Variants in MAU2 observed in about 807,000 individuals in gnomAD.
MAU2 encodes MAU2 chromatid cohesion factor homolog.
A neutral mutation model predicts 89.1 loss-of-function variants in MAU2; 9 were observed. That is an observed-to-expected ratio of 0.10 (90% CI 0.06 to 0.18). MAU2 has a LOEUF of 0.18. MAU2 is among the 10% of genes least tolerant of loss of function. The probability of loss-of-function intolerance (pLI) is 1.00; values close to 1 mark genes in which losing one functional copy is unlikely to be tolerated. For synonymous variants in MAU2, 357 were observed against 343.4 expected (o/e 1.04, Z -0.44); for missense variants, 425 against 803.5 (o/e 0.53, Z 5.69).
rs1189491172 is a variant in MAU2 at position 19,357,317 on chromosome 19, A to T, written c.*1535A>T. ...GGAGAGCCTGGCCCTGTCCTTTGCT[A>T]CCCAGGGCTGCCCCCAGGCCCATGA... On this transcript the variant is annotated 3_prime_UTR_variant, in exon 19 of 19. Transcript: ENST00000262815. 6.6e-6 allele frequency: 1 copy of T among 152,212 alleles called. No individual in the cohort carries two copies. The highest frequency in any genetic ancestry group is 2.4e-5 in the African/African-American group (1 of 41,362). 9.4% of individuals were successfully genotyped at this position (152,212 alleles called of 1,614,324 possible).
chr19:19,325,756 G>A (rs1599887546), intron 1 of MAU2, among the ~76,000 whole-genome samples: 1 of 152,244 alleles, frequency 6.6e-6, no homozygotes, highest in East Asian at 1.9e-4. Context: ...CGGGATTACA[G>A]GCATGCCACC....
chr19:19,348,081 A>G (rs566303296), intron 13 of MAU2: 1 of 153,678 alleles, frequency 6.5e-6, no homozygotes, highest in South Asian at 2.0e-4. Flanking sequence ...TCCAAAGTGT[A>G]TCAGGCCAGG....
chr19:19,344,193 C>G (rs1429818873), intron 10 of MAU2: 2 of 457,856 alleles, frequency 4.4e-6, no homozygotes, highest in African/African-American at 2.0e-5. Context: ...GGGTGGATCA[C>G]TTGAGGCCAG....
intron 16 of MAU2, among the ~76,000 whole-genome samples, chr19:19,349,886 G>A (rs1258053297): frequency 6.6e-6 from 1 of 152,070 alleles, no homozygotes; most frequent in African/African-American, 2.4e-5. Flanking sequence ...CCCCACCCAA[G>A]GTCAGCCAGT....
intron 1 of MAU2, among the ~76,000 whole-genome samples, chr19:19,333,772 A>G (rs1022948408): frequency 2.0e-5 from 3 of 152,204 alleles, no homozygotes; most frequent in Non-Finnish European, 2.9e-5. Context: ...CTCTGCTGGG[A>G]TGCAGTGACA....
chr19:19,344,484 C>A, intron 10 of MAU2: 1 of 336,010 alleles, frequency 3.0e-6, no homozygotes, highest in South Asian at 4.4e-5. Flanking sequence ...CGCACATGGT[C>A]TCTGGGGATT....
At chr19:19,355,211 G>T in intron 17 of MAU2, 53 bp from the exon 18 acceptor site, 1 of 1,610,634 alleles carries the variant, frequency 6.2e-7, no homozygotes, top group Middle Eastern at 1.8e-4. Flanking sequence ...GAGTGGGAGG[G>T]CCTGGGCAGT....
intron 1 of MAU2, among the ~76,000 whole-genome samples, chr19:19,322,238 T>TC (rs1465540005): frequency 6.6e-6 from 1 of 152,144 alleles, no homozygotes; most frequent in Non-Finnish European, 1.5e-5. Context: ...GACCTCATGA[T>TC]CTGCCCACCT....
intron 16 of MAU2, chr19:19,352,179 G>A (rs1042076903): frequency 6.6e-6 from 1 of 151,810 alleles, no homozygotes; most frequent in Admixed American, 6.6e-5. Context: ...CTCTGTATTG[G>A]AAGCTTTTTT....
At chr19:19,355,542 C>A in intron 18 of MAU2, 151 bp downstream of exon 18, 1 of 1,279,264 alleles carries the variant, frequency 7.8e-7, no homozygotes. Context: ...CCATGGGCAC[C>A]CCCACCCAAG....
chr19:19,349,449 G>T lies in MAU2; in HGVS notation c.1548+13G>T. Reference sequence around the variant, plus strand: ...GGGAAACCACAGGGTGAGTGCCCTGGCCTGGGCCCCTCGCTTGGGTGCCTG... The same window carrying T: ...GGGAAACCACAGGGTGAGTGCCCTGTCCTGGGCCCCTCGCTTGGGTGCCTG... On this transcript the variant is annotated intron_variant, in intron 16 of 18. Transcript: ENST00000262815. 1 of 1,610,612 alleles carries T rather than the reference G, an allele frequency of 6.2e-7. No individual in the cohort carries two copies. Among genetic ancestry groups the T allele is most frequent in the Non-Finnish European group, 8.5e-7 (1 of 1,177,580 alleles).
At position 19,335,702 on chromosome 19, in the gene MAU2, TTTC is replaced by T; in HGVS notation, c.277-13_277-11del. 1 of 1,614,190 alleles carries T rather than the reference TTTC, an allele frequency of 6.2e-7. No individual in the cohort carries two copies. The highest frequency in any genetic ancestry group is 8.5e-7 in the Non-Finnish European group (1 of 1,179,996). On this transcript the variant is annotated splice_polypyrimidine_tract_variant and intron_variant, in intron 1 of 18. Coordinates refer to ENST00000262815, the MANE Select transcript of MAU2 (RefSeq NM_015329.4). ...TGTTTGCCTGAGAATTAATCGTTGT[TTTC>T]TTTCTTTTTCAGTGGTTGATATCAC...
chr19:19,329,240 T>C (rs542926901), intron 1 of MAU2, among the ~76,000 whole-genome samples: 1 of 150,154 alleles, frequency 6.7e-6, no homozygotes, highest in South Asian at 2.1e-4. Context: ...CAGAGACTTG[T>C]GCAGAGCTGG....
Position 19,336,173 on chromosome 19 carries a change from T to C in MAU2, c.346T>C (p.Leu116=), listed in dbSNP as rs1282593529. Residue 116 remains leucine, a synonymous_variant, in exon 3 of 19, where the codon TTG becomes CTG. Transcript: ENST00000262815. ...TGAAGCAGCAAGTCTGTTGTCTGAA[T>C]TGTACTGTCAAGAGGTAAGAACATA... ...KFEAASLLSE[L]YCQENSVDAA... 9.3e-6 allele frequency: 15 copies of C among 1,612,776 alleles called. No individual in the cohort carries two copies. The highest frequency in any genetic ancestry group is 2.2e-5 in the East Asian group (1 of 44,888).
chr19:19,348,413 G>A (rs751365740), intron 13 of MAU2: 8 of 222,052 alleles, frequency 3.6e-5, no homozygotes, highest in Non-Finnish European at 6.4e-5. Context: ...TGCCATACGT[G>A]GGCTCGCAGT....
At chr19:19,344,448 C>A in intron 10 of MAU2, 1 of 264,540 alleles carries the variant, frequency 3.8e-6, no homozygotes, top group Non-Finnish European at 7.3e-6. Flanking sequence ...GGCCATGGCC[C>A]AAAAGCTTGC....
chr19:19,342,053 G>A (rs1315248122), intron 7 of MAU2, among the ~76,000 whole-genome samples: 5 of 152,258 alleles, frequency 3.3e-5, no homozygotes, highest in Admixed American at 6.5e-5. Flanking sequence ...CACTGCACTC[G>A]GCGCATAGGG....
intron 7 of MAU2, among the ~76,000 whole-genome samples, chr19:19,342,094 C>A (rs1180289820): frequency 6.6e-6 from 1 of 152,204 alleles, no homozygotes; most frequent in Non-Finnish European, 1.5e-5. Context: ...ACGCTTCCCT[C>A]AGGGTGCAAG....
rs781781070 is a variant in MAU2, at chr19:19,349,143, C to T, written c.1359-12C>T. On this transcript the variant is annotated splice_polypyrimidine_tract_variant and intron_variant, in intron 14 of 18. Coordinates refer to ENST00000262815, the MANE Select transcript of MAU2 (RefSeq NM_015329.4). ...AATCACCACCCCATGTGATACTGCA[C>T]TCTCCCTGCAGCTCGCACTGCCTCC... 1.4e-5 allele frequency: 22 copies of T among 1,613,870 alleles called. No individual in the cohort carries two copies. The African/African-American group carries it at 2.5e-4, about 19-fold the overall frequency.
Sources: gnomAD v4.1 joint callset for allele counts (sites outside exome capture counted in the v4.1 genomes callset) on GRCh38, gnomAD v4.1.1 for gene constraint, MANE v1.5 for transcripts, NCBI Gene and HGNC (gene_info 2026-07-23, HGNC 2026-07-21) for gene names.